The following RNF34 variants were observed in gnomAD, a reference collection of about 807,000 sequenced individuals.
The protein encoded by RNF34 is E3 ubiquitin-protein ligase RNF34.
RNF34 carries 12 observed loss-of-function variants against 37.9 expected under a neutral mutation model. That is an observed-to-expected ratio of 0.32 (90% CI 0.20 to 0.51). RNF34 has a LOEUF of 0.51. Ranked by LOEUF, RNF34 falls within the 20% of genes least tolerant of loss-of-function variation. The probability of loss-of-function intolerance (pLI) is 0.97; values close to 1 mark genes in which losing one functional copy is unlikely to be tolerated. For synonymous variants in RNF34, 155 were observed against 177.2 expected, an observed-to-expected ratio of 0.87 and a Z score of 1.00; for missense variants, 362 against 472.7, an observed-to-expected ratio of 0.77 and a Z score of 2.17.
intron 1 of RNF34, among the ~76,000 whole-genome samples, chr12:121,412,162 A>G (rs1163341918): frequency 7.1e-6 from 1 of 140,784 alleles, no homozygotes; most frequent in Non-Finnish European, 1.5e-5. Flanking sequence ...CCTGGGTTCA[A>G]GCGATTCTCC....
At position 121,416,341 on chromosome 12, in the gene RNF34, A is replaced by T. The variant is rs782820111; in HGVS notation, c.189A>T (p.Lys63Asn). Residue 63 changes from lysine (K) to asparagine (N), a missense_variant, in exon 2 of 6, where the codon AAA becomes AAT. Transcript: ENST00000361234. ...AATEGPNIVC[K>N]ACGLSFSVFR... ...CGGAAGGGCCCAACATAGTTTGTAA[A>T]GCCTGTGGGCTTTCATTTTCAGTCT... The T allele has an allele frequency of 1.9e-6, 3 of 1,613,970 alleles. No individual in the cohort carries two copies. Among genetic ancestry groups the T allele is most frequent in the Non-Finnish European group, 1.7e-6 (2 of 1,179,946 alleles).
In RNF34 at chr12:121,420,313, A is replaced by T. The variant is rs61751317; in HGVS notation, c.705A>T (p.Glu235Asp). 1.7e-4 allele frequency: 272 copies of T among 1,576,760 alleles called. No homozygotes were observed. Among genetic ancestry groups the T allele is most frequent in the Middle Eastern group, 5.0e-4 (3 of 6,038 alleles). Residue 235 changes from glutamate to aspartate, a missense_variant, in exon 4 of 6, where the codon GAA becomes GAT. Glu to Asp is a conservative substitution (Grantham distance 45). Transcript: ENST00000361234. Reference protein sequence around the residue: ...DDDDDEDDDDEEENAEDRNPG... With the variant: ...DDDDDEDDDDDEENAEDRNPG... ...ACGATGATGAGGATGATGATGATGAAGAAGAAAACGCAGAGGATCGGGTGA... is the reference window on the plus strand; with the variant it reads ...ACGATGATGAGGATGATGATGATGATGAAGAAAACGCAGAGGATCGGGTGA...
chr12:121,406,374 G>A (rs1311400866), intron 1 of RNF34, among the ~76,000 whole-genome samples: 2 of 151,876 alleles, frequency 1.3e-5, no homozygotes, highest in Non-Finnish European at 2.9e-5. Context: ...TGCAGCCTCC[G>A]CCTCCCATTT....
At position 121,417,955 on chromosome 12, in the gene RNF34, T is replaced by C. The variant is rs782458947; in HGVS notation, c.633+44T>C. ...TTACACCCAGGGCCCGGCACGCTTA[T>C]TCTTGGCCGTATATGGTGGGGCCTT... On this transcript the variant is annotated intron_variant, in intron 3 of 5. Transcript: ENST00000361234. The surrounding 1 kb of genome is among the most constrained non-coding windows in gnomAD (Gnocchi z 5.0). 5.7e-6 allele frequency: 9 copies of C among 1,584,160 alleles called. No homozygotes were observed. The Admixed American group carries it at 7.2e-5, about 13-fold the overall frequency.
At chr12:121,405,043 G>A (rs1172887010) in intron 1 of RNF34, 4 of 152,202 alleles carry the variant, frequency 2.6e-5, no homozygotes, top group Non-Finnish European at 5.9e-5. Context: ...CTCTGACTGA[G>A]GAACCTGAGA....
chr12:121,403,417 A>C (rs959104661), intron 1 of RNF34, among the ~76,000 whole-genome samples: 1 of 151,350 alleles, frequency 6.6e-6, no homozygotes, highest in Non-Finnish European at 1.5e-5. Context: ...ACCAAAACAA[A>C]AAAAAAAAAG....
chr12:121,401,004 A>C (rs1473864468), intron 1 of RNF34, among the ~76,000 whole-genome samples: 3 of 152,156 alleles, frequency 2.0e-5, no homozygotes, highest in Non-Finnish European at 4.4e-5. Flanking sequence ...GCCGAACTCA[A>C]ACCAAGTGGG....
intron 1 of RNF34, among the ~76,000 whole-genome samples, chr12:121,408,441 TA>T (rs1367814885): frequency 1.4e-5 from 2 of 142,800 alleles, no homozygotes; most frequent in African/African-American, 5.9e-5. Context: ...AAACTCTGTC[TA>T]AAAAATAAAA....
chr12:121,404,427 CTT>C (rs1870323732), intron 1 of RNF34, among the ~76,000 whole-genome samples: 1 of 87,278 alleles, frequency 1.1e-5, no homozygotes, highest in South Asian at 4.0e-4. Flanking sequence ...TGGAGTCTCT[CTT>C]TGTTGCCCAG....
intron 1 of RNF34, among the ~76,000 whole-genome samples, chr12:121,415,083 T>A (rs61955092): frequency 0.31 from 46,976 of 150,214 alleles, 8,759 homozygotes; most frequent in East Asian, 0.43. Flanking sequence ...GCAACAAGAG[T>A]GAAGTTCCAT....
chr12:121,421,915 G>A (rs999984998), intron 5 of RNF34, among the ~76,000 whole-genome samples: 2 of 152,116 alleles, frequency 1.3e-5, no homozygotes, highest in Non-Finnish European at 2.9e-5. Flanking sequence ...ATTTGTTGAT[G>A]AACAGGTTTA....
chr12:121,423,858 A>G lies in RNF34; in HGVS notation c.*282A>G. 1 of 375,318 alleles carries G rather than the reference A, an allele frequency of 2.7e-6. No homozygotes were observed. Among genetic ancestry groups the G allele is most frequent in the Non-Finnish European group, 4.9e-6 (1 of 204,324 alleles). 23.2% of individuals were successfully genotyped at this position (375,318 alleles called of 1,614,324 possible). On this transcript the variant is annotated 3_prime_UTR_variant, in exon 6 of 6. Coordinates refer to ENST00000361234, the MANE Select transcript of RNF34 (RefSeq NM_025126.4). The surrounding 1 kb of genome is among the most constrained non-coding windows in gnomAD (Gnocchi z 4.3). ...AGCCTGTTTGCGCCATGTGGGCATC[A>G]GCCACTGCTGTCTTGGGAGGACACT...
chr12:121,421,214 G>A (rs1872097674), intron 5 of RNF34, among the ~76,000 whole-genome samples: 1 of 151,754 alleles, frequency 6.6e-6, no homozygotes, highest in South Asian at 2.1e-4. Context: ...GTAGATTTCT[G>A]TGTAAGTCAC....
chr12:121,421,738 C>T (rs1309614542), intron 5 of RNF34, among the ~76,000 whole-genome samples: 4 of 152,156 alleles, frequency 2.6e-5, no homozygotes, highest in Non-Finnish European at 5.9e-5. Context: ...GACAGGGTCT[C>T]ACTATGTTGC....
At chr12:121,408,160 G>C (rs1452160327) in intron 1 of RNF34, among the ~76,000 whole-genome samples, 5 of 152,076 alleles carry the variant, frequency 3.3e-5, no homozygotes, top group Non-Finnish European at 7.4e-5. Flanking sequence ...AAAATAAATG[G>C]CCAGGTGTGG....
Position 121,400,153 on chromosome 12 carries a change from A to C in RNF34, c.-60A>C. Reference sequence around the variant, plus strand: ...CAGAGGGAAGGAGGTCGGCAGTGTGAGGAGCTGCTATGGTGCTGAGTTTCC... The same window carrying C: ...CAGAGGGAAGGAGGTCGGCAGTGTGCGGAGCTGCTATGGTGCTGAGTTTCC... On this transcript the variant is annotated 5_prime_UTR_variant, in exon 1 of 6. Transcript: ENST00000361234. 1.3e-6 allele frequency: 2 copies of C among 1,589,538 alleles called. No individual in the cohort carries two copies. Among genetic ancestry groups the C allele is most frequent in the African/African-American group, 1.3e-5 (1 of 74,456 alleles).
intron 1 of RNF34, 142 bp downstream of exon 1, chr12:121,400,360 C>T: frequency 9.7e-7 from 1 of 1,032,960 alleles, no homozygotes; most frequent in Non-Finnish European, 1.4e-6. Flanking sequence ...GCTTGCCCGG[C>T]TTCAGGTGCC....
At chr12:121,415,104 AAAAG>A in intron 1 of RNF34, among the ~76,000 whole-genome samples, 1 of 152,216 alleles carries the variant, frequency 6.6e-6, no homozygotes, top group East Asian at 1.9e-4. Context: ...CTCAAGAAAA[AAAAG>A]AATTTGGAAA....
chr12:121,414,326 C>A (rs781986943), intron 1 of RNF34, among the ~76,000 whole-genome samples: 12 of 152,356 alleles, frequency 7.9e-5, no homozygotes, highest in Non-Finnish European at 1.6e-4. Flanking sequence ...AAAGCCTATT[C>A]GTTCTAAACA....
Sources: gnomAD v4.1 joint callset for allele counts (sites outside exome capture counted in the v4.1 genomes callset) on GRCh38, gnomAD v4.1.1 for gene constraint, Gnocchi (gnomAD v3.1) non-coding constraint, MANE v1.5 for transcripts, NCBI Gene and HGNC (gene_info 2026-07-23, HGNC 2026-07-21) for gene names.